MCC: variants seen among roughly 807,000 people sequenced by gnomAD.
MCC encodes colorectal mutant cancer protein.
Under a neutral mutation model 116.2 loss-of-function variants are expected in MCC, and 90 were observed. That is an observed-to-expected ratio of 0.77 (90% CI 0.65 to 0.92). The LOEUF (loss-of-function observed/expected upper bound fraction) is 0.92. Ranked by LOEUF, MCC falls within the 40% of genes least tolerant of loss-of-function variation. The probability of loss-of-function intolerance (pLI) is 0.00; values close to 1 mark genes in which losing one functional copy is unlikely to be tolerated. For synonymous variants in MCC, 578 were observed against 510.5 expected (o/e 1.13, Z -1.78); for missense variants, 1,516 against 1,312.2 (o/e 1.16, Z -2.40).
chr5:113,251,484 G>A (rs1764798008), intron 3 of MCC, among the ~76,000 whole-genome samples: 1 of 152,182 alleles, frequency 6.6e-6, no homozygotes, highest in African/African-American at 2.4e-5. Flanking sequence ...ACGGGACTAA[G>A]GGGCCTGGCA....
Position 113,071,190 on chromosome 5 carries a change from G to A in MCC, c.1829C>T (p.Thr610Ile), listed in dbSNP as rs769895653. ...LKSQNDLLTI[T>I]LEECKSNAER... Reference sequence around the variant, plus strand: ...GGCATTGCTTTTACATTCCTCCAAGGTTATGGTCAGGAGGTCATTTTGGGA... The same window carrying A: ...GGCATTGCTTTTACATTCCTCCAAGATTATGGTCAGGAGGTCATTTTGGGA... Residue 610 changes from threonine (T) to isoleucine (I), a missense_variant, in exon 12 of 19, where the codon ACC becomes ATC. Coordinates refer to ENST00000408903, the MANE Select transcript of MCC (RefSeq NM_001085377.2). The A allele has an allele frequency of 4.3e-6, 7 of 1,614,004 alleles. No homozygotes were observed. The East Asian group carries it at 1.3e-4, about 31-fold the overall frequency.
At chr5:113,083,702 C>G (rs1346805450) in intron 10 of MCC, among the ~76,000 whole-genome samples, 1 of 152,166 alleles carries the variant, frequency 6.6e-6, no homozygotes, top group African/African-American at 2.4e-5. Context: ...TCAAAGACAA[C>G]ATTCCTCCTC....
intron 14 of MCC, among the ~76,000 whole-genome samples, chr5:113,061,155 G>C (rs978440349): frequency 4.6e-5 from 7 of 152,222 alleles, no homozygotes; most frequent in African/African-American, 1.7e-4. Flanking sequence ...TGGCCACACA[G>C]GCAGCACCCT....
intron 17 of MCC, among the ~76,000 whole-genome samples, chr5:113,030,695 G>C (rs953548546): frequency 1.3e-5 from 2 of 152,112 alleles, no homozygotes; most frequent in African/African-American, 4.8e-5. Flanking sequence ...AAAAAAATCA[G>C]ATGGCCATGC....
intron 1 of MCC, among the ~76,000 whole-genome samples, chr5:113,455,415 C>T (rs1771516540): frequency 6.6e-6 from 1 of 152,140 alleles, no homozygotes; most frequent in Non-Finnish European, 1.5e-5. Flanking sequence ...GCACTTGGCA[C>T]ACGGCAGGAA....
intron 4 of MCC, 127 bp from the exon 5 acceptor site, chr5:113,143,487 T>C: frequency 1.0e-6 from 1 of 975,942 alleles, no homozygotes; most frequent in Non-Finnish European, 1.5e-6. Flanking sequence ...AAAATGTATG[T>C]CAGCTCATCG....
At chr5:113,136,755 G>A (rs192743360) in intron 5 of MCC, among the ~76,000 whole-genome samples, 57 of 152,108 alleles carry the variant, frequency 3.7e-4, no homozygotes, top group African/African-American at 1.3e-3. Flanking sequence ...AGTATTTAGG[G>A]GTTTCTATAT....
chr5:113,053,788 C>T lies in MCC; in HGVS notation c.2385G>A (p.Arg795=), dbSNP rs768531317. The change falls in exon 15 of 19, where the codon CGG becomes CGA. Residue 795 remains arginine, a synonymous_variant. Coordinates refer to ENST00000408903, the MANE Select transcript of MCC (RefSeq NM_001085377.2). The part of the protein sequence containing the change: ...IDPLSYDVKP[R]GDSQRLDLEN... ...CCAGATCCAGCCTCTGGCTGTCTCC[C>T]CGAGGCTTGACGTCATAGCTGAGAG... 6.2e-6 allele frequency: 10 copies of T among 1,613,946 alleles called. No individual in the cohort carries two copies. Among genetic ancestry groups the T allele is most frequent in the Non-Finnish European group, 8.5e-6 (10 of 1,179,938 alleles).
rs1754024955 is a variant in MCC, at chr5:113,071,297, G to A, written c.1785-63C>T. The stretch of plus-strand genomic sequence containing the variant: ...CAGTTAATTTGCCAATATTTCAGTT[G>A]TCTCATTTATATTCAGGGCAGAAAA... On this transcript the variant is annotated intron_variant, in intron 11 of 18. Transcript: ENST00000408903. The A allele has an allele frequency of 1.4e-5, 22 of 1,558,128 alleles. No individual in the cohort carries two copies. The South Asian group carries it at 2.2e-4, about 16-fold the overall frequency.
chr5:113,262,771 T>G (rs1339176350), intron 3 of MCC, among the ~76,000 whole-genome samples: 1 of 152,160 alleles, frequency 6.6e-6, no homozygotes, highest in Non-Finnish European at 1.5e-5. Context: ...TCCTGGGCCC[T>G]GCACCCTGAT....
intron 3 of MCC, chr5:113,269,098 G>A: frequency 1.2e-6 from 1 of 859,500 alleles, no homozygotes; most frequent in Non-Finnish European, 1.4e-6. Context: ...GAGAAGACAG[G>A]GATGAAGGAA....
Position 113,251,128 on chromosome 5 carries a change from C to G in MCC, c.627+89391G>C, listed in dbSNP as rs80071162. ...CTGTTCACAGGAAAATAAAGTCACC[C>G]AGTCTTCTGGCTTACAAACCTCAGG... On this transcript the variant is annotated intron_variant, in intron 3 of 18. Coordinates refer to ENST00000408903, the MANE Select transcript of MCC (RefSeq NM_001085377.2). Among the ~76,000 whole-genome samples the G allele has an allele frequency of 5.8e-3, 888 of 152,330 alleles. 10 individuals are homozygous for G. Among genetic ancestry groups the G allele is most frequent in the African/African-American group, 0.021 (856 of 41,586 alleles).
At chr5:113,278,300 A>G (rs1225252235) in intron 3 of MCC, among the ~76,000 whole-genome samples, 1 of 152,194 alleles carries the variant, frequency 6.6e-6, no homozygotes, top group Non-Finnish European at 1.5e-5. Flanking sequence ...ACCATGGCAT[A>G]CTTTAAATGA....
rs1899682 is a variant in MCC, at chr5:113,232,054, C to T, written c.628-80632G>A. Among the ~76,000 whole-genome samples the T allele has an allele frequency of 5.2e-3, 795 of 152,220 alleles. 8 individuals carry two copies. Among genetic ancestry groups the T allele is most frequent in the African/African-American group, 0.019 (770 of 41,538 alleles). On this transcript the variant is annotated intron_variant, in intron 3 of 18. Transcript: ENST00000408903. The stretch of plus-strand genomic sequence containing the variant: ...ATACAATTGCCTAAATAGTTTATCA[C>T]CACCTCAAGCACAAAGATACTATGT...
intron 8 of MCC, among the ~76,000 whole-genome samples, chr5:113,088,414 C>T (rs1755355694): frequency 6.6e-6 from 1 of 151,132 alleles, no homozygotes; most frequent in African/African-American, 2.4e-5. Context: ...ATTATGTCTC[C>T]CCCAAAAGAT....
intron 11 of MCC, among the ~76,000 whole-genome samples, chr5:113,076,102 C>G (rs1336951638): frequency 6.6e-6 from 1 of 152,192 alleles, no homozygotes; most frequent in African/African-American, 2.4e-5. Context: ...GGGTCCACGG[C>G]TTCATTCTTG....
At chr5:113,105,452 G>C (rs933164293) in intron 6 of MCC, among the ~76,000 whole-genome samples, 7 of 152,128 alleles carry the variant, frequency 4.6e-5, no homozygotes, top group Non-Finnish European at 1.0e-4. Context: ...TAAATCTAGA[G>C]AGATCAGCCT....
At chr5:113,219,574 AATC>A (rs1230469194) in intron 3 of MCC, among the ~76,000 whole-genome samples, 5 of 152,214 alleles carry the variant, frequency 3.3e-5, no homozygotes, top group Non-Finnish European at 7.3e-5. Flanking sequence ...GATAGTCTAT[AATC>A]ATTGCTTTAA....
At chr5:113,186,917 G>A in intron 3 of MCC, among the ~76,000 whole-genome samples, 1 of 152,066 alleles carries the variant, frequency 6.6e-6, no homozygotes, top group East Asian at 1.9e-4. Flanking sequence ...GCATCTACTG[G>A]GTAGAGCCCA....
Sources: gnomAD v4.1 joint callset for allele counts (sites outside exome capture counted in the v4.1 genomes callset) on GRCh38, gnomAD v4.1.1 for gene constraint, MANE v1.5 for transcripts, NCBI Gene and HGNC (gene_info 2026-07-23, HGNC 2026-07-21) for gene names.